The following SARM1 variants were observed in gnomAD, a reference collection of about 807,000 sequenced individuals.
The protein encoded by SARM1 is NAD(+) hydrolase SARM1.
Under a neutral mutation model 65.1 loss-of-function variants are expected in SARM1, and 60 were observed. The observed-to-expected ratio is 0.92, with a 90% confidence interval of 0.75 to 1.14. The LOEUF is 1.14. Among genes scored for constraint, SARM1 ranks in the 50% most tolerant of loss-of-function variants. The pLI is 0.00. For synonymous variants in SARM1, 417 were observed against 465.4 expected, an observed-to-expected ratio of 0.90 and a Z score of 1.34; for missense variants, 913 against 1,015.7, an observed-to-expected ratio of 0.90 and a Z score of 1.37.
chr17:28,381,228 G>A lies in SARM1; in HGVS notation c.496G>A (p.Gly166Ser). 1.2e-6 allele frequency: 2 copies of A among 1,610,048 alleles called. No homozygotes were observed. Among genetic ancestry groups the A allele is most frequent in the Non-Finnish European group, 1.7e-6 (2 of 1,178,172 alleles). Residue 166 changes from glycine to serine, a missense_variant, in exon 2 of 9, where the codon GGC becomes AGC. By Grantham distance (56) the Gly-to-Ser change is moderately conservative (BLOSUM62 0). Transcript: ENST00000585482. ...AGACCGCGTGGCGCGCATTGGGCTG[G>A]GCGTGATCCTGAACCTGGCGAAGGA... ...NRDRVARIGL[G>S]VILNLAKERE...
chr17:28,390,227 A>G (rs1297239488), intron 7 of SARM1, among the ~76,000 whole-genome samples: 1 of 152,214 alleles, frequency 6.6e-6, no homozygotes, highest in Non-Finnish European at 1.5e-5. Flanking sequence ...GTTTATCTGA[A>G]GACCTGGGAT....
In SARM1 at chr17:28,384,589, G is replaced by C. The variant is rs1555585673; in HGVS notation, c.1302+20G>C. The C allele has an allele frequency of 6.4e-7, 1 of 1,567,066 alleles. No individual in the cohort carries two copies. The highest frequency in any genetic ancestry group is 8.7e-7 in the Non-Finnish European group (1 of 1,155,194). ...TTCCGGGTAGAGTCGCGTGGGATAC[G>C]CCTCCCCCGAGTCAGAGCGGGCGCC... On this transcript the variant is annotated intron_variant, in intron 3 of 8. Transcript: ENST00000585482. The surrounding 1 kb of genome is among the most constrained non-coding windows in gnomAD (Gnocchi z 4.4).
Position 28,385,197 on chromosome 17 carries a change from G to C in SARM1, c.1552G>C (p.Val518Leu), listed in dbSNP as rs782106973. The C allele has an allele frequency of 1.1e-5, 17 of 1,606,670 alleles. No individual in the cohort carries two copies. The highest frequency in any genetic ancestry group is 1.4e-5 in the Non-Finnish European group (17 of 1,178,106). Residue 518 changes from valine (V) to leucine (L), a missense_variant, in exon 5 of 9, where the codon GTG becomes CTG. Physicochemically the swap from Val to Leu is conservative, Grantham distance 32. This residue lies in a region of SARM1 where 862 missense variants were observed against 952.1 expected (regional missense o/e 0.91). Coordinates refer to ENST00000585482, the MANE Select transcript of SARM1 (RefSeq NM_015077.4). This position sits in a 1 kb window ranked among gnomAD's most constrained non-coding sequence, Gnocchi z 4.5. Reference sequence around the variant, plus strand: ...CCTGGACCGCTCCCTGCTGCACCGCGTGTCTGAGCAGCAGCTGCTGGAAGA... The same window carrying C: ...CCTGGACCGCTCCCTGCTGCACCGCCTGTCTGAGCAGCAGCTGCTGGAAGA... ...CGLDRSLLHR[V>L]SEQQLLEDCG...
At position 28,388,374 on chromosome 17, in the gene SARM1, G is replaced by A; in HGVS notation, c.1758G>A (p.Leu586=). ...GTCTCCTGAAGGTGCACCTGCAGCT[G>A]CATGGCTTCAGTGTCTTCATTGATG... The part of the protein sequence containing the change: ...LASLLKVHLQ[L]HGFSVFIDVE... The change falls in exon 7 of 9, where the codon CTG becomes CTA. Residue 586 remains leucine, a synonymous_variant. Coordinates refer to ENST00000585482, the MANE Select transcript of SARM1 (RefSeq NM_015077.4). 1.2e-6 allele frequency: 2 copies of A among 1,613,998 alleles called. No homozygotes were observed. The highest frequency in any genetic ancestry group is 1.7e-6 in the Non-Finnish European group (2 of 1,179,900).
intron 2 of SARM1, 105 bp downstream of exon 2, chr17:28,381,926 T>C (rs1369645734): frequency 7.7e-7 from 1 of 1,294,144 alleles, no homozygotes; most frequent in Non-Finnish European, 9.9e-7. Flanking sequence ...ACATCAGAAT[T>C]AGATGAAGCA....
In SARM1 at chr17:28,372,239, G is replaced by A. The variant is rs2067961629; in HGVS notation, c.207G>A (p.Leu69=). The A allele has an allele frequency of 7.2e-7, 1 of 1,385,810 alleles. No homozygotes were observed. Among genetic ancestry groups the A allele is most frequent in the African/African-American group, 1.5e-5 (1 of 65,678 alleles). 85.8% of individuals were successfully genotyped at this position (1,385,810 alleles called of 1,614,324 possible). ...TEVQDALERA[L]PELQQALSAL... The stretch of plus-strand genomic sequence containing the variant: ...TGCAGGACGCCCTGGAGCGCGCGCT[G>A]CCGGAGCTGCAGCAGGCCTTGTCCG... The change falls in exon 1 of 9, where the codon CTG becomes CTA. Residue 69 remains leucine, a synonymous_variant. Transcript: ENST00000585482. This position sits in a 1 kb window ranked among gnomAD's most constrained non-coding sequence, Gnocchi z 5.2.
intron 2 of SARM1, among the ~76,000 whole-genome samples, 166 bp downstream of exon 2, chr17:28,381,987 G>C (rs1264976998): frequency 6.6e-6 from 1 of 152,216 alleles, no homozygotes; most frequent in Non-Finnish European, 1.5e-5. Flanking sequence ...CAAACCCGAA[G>C]TTTGGACTTG....
intron 7 of SARM1, among the ~76,000 whole-genome samples, chr17:28,391,216 G>T (rs1304541747): frequency 1.3e-5 from 2 of 152,180 alleles, no homozygotes; most frequent in African/African-American, 4.8e-5. Flanking sequence ...ACAAATCAAA[G>T]TTTTGTTAGT....
chr17:28,372,452 G>A lies in SARM1; in HGVS notation c.420G>A (p.Thr140=). Residue 140 remains threonine (T), a synonymous_variant, in exon 1 of 9, where the codon ACG becomes ACA. Coordinates refer to ENST00000585482, the MANE Select transcript of SARM1 (RefSeq NM_015077.4). The surrounding 1 kb of genome is among the most constrained non-coding windows in gnomAD (Gnocchi z 5.2). ...LRLLQAPELE[T]RVQAARLLEQ... is the part of the protein sequence containing the mutation. ...TGCTGCAGGCGCCGGAGTTGGAGAC[G>A]CGTGTGCAGGCCGCGCGCCTGCTGG... 6.5e-7 allele frequency: 1 copy of A among 1,530,642 alleles called. No homozygotes were observed. The highest frequency in any genetic ancestry group is 8.7e-7 in the Non-Finnish European group (1 of 1,145,556). 94.8% of individuals were successfully genotyped at this position (1,530,642 alleles called of 1,614,324 possible).
chr17:28,381,441 G>C lies in SARM1; in HGVS notation c.709G>C (p.Gly237Arg), dbSNP rs782357936. 4 of 1,546,450 alleles carry C rather than the reference G, an allele frequency of 2.6e-6. No homozygotes were observed. The highest frequency in any genetic ancestry group is 3.5e-6 in the Non-Finnish European group (4 of 1,145,550). Reference protein sequence around the residue: ...ALALGNCALHGGQAVQRRMVE... With the variant: ...ALALGNCALHRGQAVQRRMVE... ...GGCGCTGGGCAACTGCGCGCTGCACGGGGGCCAGGCGGTGCAGCGACGCAT... is the reference window on the plus strand; with the variant it reads ...GGCGCTGGGCAACTGCGCGCTGCACCGGGGCCAGGCGGTGCAGCGACGCAT... Residue 237 changes from glycine (G) to arginine (R), a missense_variant, in exon 2 of 9, where the codon GGG becomes CGG. Gly to Arg is a moderately radical substitution (Grantham distance 125). Transcript: ENST00000585482.
At position 28,384,677 on chromosome 17, in the gene SARM1, G is replaced by A; in HGVS notation, c.1302+108G>A. Reference sequence around the variant, plus strand: ...TCCCGCGGCGCCAGGGTCGCTTTTGGGGGCGGGGAGCCTGTACGCAGCCAC... The same window carrying A: ...TCCCGCGGCGCCAGGGTCGCTTTTGAGGGCGGGGAGCCTGTACGCAGCCAC... On this transcript the variant is annotated intron_variant, in intron 3 of 8. Coordinates refer to ENST00000585482, the MANE Select transcript of SARM1 (RefSeq NM_015077.4). This position sits in a 1 kb window ranked among gnomAD's most constrained non-coding sequence, Gnocchi z 4.4. 1 of 1,307,132 alleles carries A rather than the reference G, an allele frequency of 7.7e-7. No homozygotes were observed. Among genetic ancestry groups the A allele is most frequent in the Non-Finnish European group, 1.1e-6 (1 of 949,666 alleles). 81.0% of individuals were successfully genotyped at this position (1,307,132 alleles called of 1,614,324 possible). A position where few individuals can be genotyped will look rare whatever the true frequency, so the allele number is the denominator to read the frequency against.
rs368270883 is a variant in SARM1, at chr17:28,394,700, T to A, written c.1924-1205T>A. 3 of 152,256 alleles carry A rather than the reference T, an allele frequency of 2.0e-5. 1 individual carries two copies. The highest frequency in any genetic ancestry group is 1.9e-4 in the East Asian group (1 of 5,192). 9.4% of individuals were successfully genotyped at this position (152,256 alleles called of 1,614,324 possible). On this transcript the variant is annotated intron_variant, in intron 7 of 8. Transcript: ENST00000585482. ...ACCTTAAATAATGAGATTCAGAAAA[T>A]AAGACTAAGTATAGAGTTTCTTTGA...
intron 1 of SARM1, among the ~76,000 whole-genome samples, chr17:28,374,493 C>T (rs972071814): frequency 7.3e-5 from 11 of 151,630 alleles, no homozygotes; most frequent in Admixed American, 2.0e-4. Flanking sequence ...GCTGAGAGCG[C>T]GCCACTGCAC....
chr17:28,380,787 A>G (rs1381358743), intron 1 of SARM1, among the ~76,000 whole-genome samples: 2 of 152,260 alleles, frequency 1.3e-5, no homozygotes, highest in Admixed American at 1.3e-4. Flanking sequence ...TAGTCCTGAT[A>G]ATAATCCTAT....
rs2068042977 is a variant in SARM1, at chr17:28,384,986, G to T, written c.1395-54G>T. 10 of 1,602,202 alleles carry T rather than the reference G, an allele frequency of 6.2e-6. No individual in the cohort carries two copies. Among genetic ancestry groups the T allele is most frequent in the African/African-American group, 1.3e-5 (1 of 74,634 alleles). On this transcript the variant is annotated intron_variant, in intron 4 of 8. Transcript: ENST00000585482. The surrounding 1 kb of genome is among the most constrained non-coding windows in gnomAD (Gnocchi z 4.4). The stretch of plus-strand genomic sequence containing the variant: ...CTAGGTCTAAATAAGCTCCCCCTCC[G>T]CCCACAGCCCGTCCGAGTCTGGACC...
chr17:28,382,860 G>T (rs1555585489), intron 2 of SARM1, among the ~76,000 whole-genome samples: 1 of 152,026 alleles, frequency 6.6e-6, no homozygotes, highest in Non-Finnish European at 1.5e-5. Flanking sequence ...GCTGGGCTTT[G>T]TTTTTAAAAT....
Position 28,399,662 on chromosome 17 carries a change from G to A in SARM1, c.*3376G>A. 1 of 1,614,004 alleles carries A rather than the reference G, an allele frequency of 6.2e-7. No homozygotes were observed. Among genetic ancestry groups the A allele is most frequent in the Non-Finnish European group, 8.5e-7 (1 of 1,179,884 alleles). On this transcript the variant is annotated 3_prime_UTR_variant, in exon 9 of 9. Transcript: ENST00000585482. The stretch of plus-strand genomic sequence containing the variant: ...GTCTTCTGGTCCAGGCAGATCAGGG[G>A]CTCTGGGGAAACTGCTGGAACTCGA...
Position 28,402,279 on chromosome 17 carries a change from A to C in SARM1, c.*5993A>C. ...CACCAGCTTGGAGAGTTTAGCCCGG[A>C]TGACAGGTGTGATGACTAATGACAG... is the stretch of plus-strand genomic sequence containing the variant. On this transcript the variant is annotated 3_prime_UTR_variant, in exon 9 of 9. Transcript: ENST00000585482. 6.2e-7 allele frequency: 1 copy of C among 1,613,660 alleles called. No homozygotes were observed. Among genetic ancestry groups the C allele is most frequent in the Non-Finnish European group, 8.5e-7 (1 of 1,179,770 alleles).
At position 28,384,775 on chromosome 17, in the gene SARM1, T is replaced by C. The variant is rs2068041640; in HGVS notation, c.1303-64T>C. 11 of 1,438,206 alleles carry C rather than the reference T, an allele frequency of 7.6e-6. No individual in the cohort carries two copies. Among genetic ancestry groups the C allele is most frequent in the Non-Finnish European group, 9.6e-6 (10 of 1,043,938 alleles). The allele number at this position is 1,438,206 out of a possible 1,614,324, so 89.1% of individuals were successfully genotyped here. A position where few individuals can be genotyped will look rare whatever the true frequency, so the allele number is the denominator to read the frequency against. ...GCCATCTCCAGTTCCTTCCCTTGCATCTTGTGCTCGAGGTCCAAGGGCGGA... is the reference window on the plus strand; with the variant it reads ...GCCATCTCCAGTTCCTTCCCTTGCACCTTGTGCTCGAGGTCCAAGGGCGGA... On this transcript the variant is annotated intron_variant, in intron 3 of 8. Coordinates refer to ENST00000585482, the MANE Select transcript of SARM1 (RefSeq NM_015077.4). The surrounding 1 kb of genome is among the most constrained non-coding windows in gnomAD (Gnocchi z 4.4).
Sources: allele counts gnomAD v4.1 joint callset (sites outside exome capture counted in the v4.1 genomes callset), GRCh38; gene constraint gnomAD v4.1.1; regional missense constraint gnomAD v4.1.1; non-coding constraint Gnocchi (gnomAD v3.1); transcripts MANE v1.5; gene names NCBI Gene and HGNC (gene_info 2026-07-23, HGNC 2026-07-21).